The following QSOX1 variants were observed in gnomAD, a reference collection of about 807,000 sequenced individuals.
The protein encoded by QSOX1 is quiescin sulfhydryl oxidase 1, also known as sulfhydryl oxidase 1.
Under a neutral mutation model 76.1 loss-of-function variants are expected in QSOX1, and 40 were observed. That is an observed-to-expected ratio of 0.53 (90% CI 0.41 to 0.68). QSOX1 has a LOEUF of 0.68. QSOX1 is among the 30% of genes least tolerant of loss of function. The pLI, the probability that QSOX1 is intolerant of heterozygous loss-of-function variation, is 0.00. For missense variants in QSOX1, 931 were observed against 974.3 expected (o/e 0.96, Z 0.59); for synonymous variants, 392 against 413.1 (o/e 0.95, Z 0.62).
At chr1:180,190,626 T>G in intron 10 of QSOX1, 46 bp downstream of exon 10, 1 of 1,560,938 alleles carries the variant, frequency 6.4e-7, no homozygotes, top group Non-Finnish European at 8.7e-7. Flanking sequence ...AACCCTGCTC[T>G]GTTCGGCCCT....
chr1:180,189,432 C>CT, intron 8 of QSOX1, 120 bp from the exon 9 acceptor site: 1 of 286,706 alleles, frequency 3.5e-6, no homozygotes, highest in South Asian at 3.1e-5. Context: ...ACAACCTCCT[C>CT]CCCACTGCCC....
chr1:180,154,870 T>A lies in QSOX1; in HGVS notation c.-38T>A. The A allele has an allele frequency of 1.5e-6, 2 of 1,353,110 alleles. No homozygotes were observed. Among genetic ancestry groups the A allele is most frequent in the African/African-American group, 1.5e-5 (1 of 65,160 alleles). 83.8% of individuals were successfully genotyped at this position (1,353,110 alleles called of 1,614,324 possible). On this transcript the variant is annotated 5_prime_UTR_variant, in exon 1 of 12. Transcript: ENST00000367602. ...TGCCGCGGCGCCGGGACCCGACTCA[T>A]CCGGTGCTTGCGTGTGGTGGTGAGC...
In QSOX1 at chr1:180,202,190, C is replaced by T. The variant is rs145100127; in HGVS notation, c.*5153C>T. 1 of 152,448 alleles carries T rather than the reference C, an allele frequency of 6.6e-6. No individual in the cohort carries two copies. The highest frequency in any genetic ancestry group is 2.4e-5 in the African/African-American group (1 of 41,574). The allele number at this position is 152,448 out of a possible 1,614,324, so 9.4% of individuals were successfully genotyped here. A position where few individuals can be genotyped will look rare whatever the true frequency, so the allele number is the denominator to read the frequency against. ...TGACCTTACTTAGGTGAGGAGGACTCAGGGAACATCTACAGACTCTAGGGC... is the reference window on the plus strand; with the variant it reads ...TGACCTTACTTAGGTGAGGAGGACTTAGGGAACATCTACAGACTCTAGGGC... On this transcript the variant is annotated 3_prime_UTR_variant, in exon 12 of 12. Transcript: ENST00000367602.
At chr1:180,164,189 G>A (rs1343970316) in intron 1 of QSOX1, among the ~76,000 whole-genome samples, 2 of 152,208 alleles carry the variant, frequency 1.3e-5, no homozygotes. Flanking sequence ...CTGCCTTGCA[G>A]GTGAGGTTTA....
At chr1:180,155,221 C>T (rs1662348208) in intron 1 of QSOX1, 49 bp downstream of exon 1, 1 of 1,411,598 alleles carries the variant, frequency 7.1e-7, no homozygotes, top group Admixed American at 3.0e-5. Flanking sequence ...GCCCGGACCC[C>T]TCCACCTGCC....
chr1:180,182,266 C>T lies in QSOX1; in HGVS notation c.699C>T (p.Asp233=). The T allele has an allele frequency of 6.2e-7, 1 of 1,614,216 alleles. No homozygotes were observed. The highest frequency in any genetic ancestry group is 8.5e-7 in the Non-Finnish European group (1 of 1,180,028). The change falls in exon 6 of 12, where the codon GAC becomes GAT. Residue 233 remains aspartate, a synonymous_variant. Coordinates refer to ENST00000367602, the MANE Select transcript of QSOX1 (RefSeq NM_002826.5). ...ANVVRKFGVT[D]FPSCYLLFRN... Reference sequence around the variant, plus strand: ...TGGTGAGAAAGTTTGGTGTCACCGACTTCCCCTCTTGCTACCTGCTGTTCC... The same window carrying T: ...TGGTGAGAAAGTTTGGTGTCACCGATTTCCCCTCTTGCTACCTGCTGTTCC...
intron 2 of QSOX1, among the ~76,000 whole-genome samples, chr1:180,173,942 G>A (rs1572043843): frequency 6.6e-6 from 1 of 152,218 alleles, no homozygotes; most frequent in African/African-American, 2.4e-5. Flanking sequence ...GTTGCCCAAG[G>A]TCACACAGCA....
chr1:180,192,293 C>T (rs949587151), intron 10 of QSOX1, among the ~76,000 whole-genome samples: 8 of 152,096 alleles, frequency 5.3e-5, no homozygotes, highest in South Asian at 2.1e-4. Context: ...CGGAGGTGAG[C>T]GCTCATGGGC....
intron 9 of QSOX1, 35 bp from the exon 10 acceptor site, chr1:180,190,398 C>T: frequency 6.3e-7 from 1 of 1,595,262 alleles, no homozygotes; most frequent in Non-Finnish European, 8.6e-7. Flanking sequence ...CCTTTTCCTT[C>T]TCCATATGTG....
At chr1:180,170,818 T>C (rs1367771747) in intron 2 of QSOX1, among the ~76,000 whole-genome samples, 1 of 152,232 alleles carries the variant, frequency 6.6e-6, no homozygotes, top group East Asian at 1.9e-4. Context: ...AGATTCTCTG[T>C]TCAGCTGAAC....
Position 180,183,910 on chromosome 1 carries a change from T to C in QSOX1, c.753-6T>C. 2 of 1,612,594 alleles carry C rather than the reference T, an allele frequency of 1.2e-6. No individual in the cohort carries two copies. The highest frequency in any genetic ancestry group is 1.7e-6 in the Non-Finnish European group (2 of 1,178,852). Reference sequence around the variant, plus strand: ...GCCTCTCCTCCCTGGTTCTGTGCCCTCACAGGCTCATGGAATCCAGGTCCT... The same window carrying C: ...GCCTCTCCTCCCTGGTTCTGTGCCCCCACAGGCTCATGGAATCCAGGTCCT... On this transcript the variant is annotated splice_region_variant and splice_polypyrimidine_tract_variant and intron_variant, in intron 6 of 11. Transcript: ENST00000367602.
At chr1:180,171,187 A>G (rs1572042518) in intron 2 of QSOX1, among the ~76,000 whole-genome samples, 1 of 152,218 alleles carries the variant, frequency 6.6e-6, no homozygotes, top group African/African-American at 2.4e-5. Flanking sequence ...GAGAGCATGA[A>G]AGGTGGGGAC....
At chr1:180,183,249 C>T (rs575594670) in intron 6 of QSOX1, among the ~76,000 whole-genome samples, 108 of 152,174 alleles carry the variant, frequency 7.1e-4, no homozygotes, top group African/African-American at 2.5e-3. Flanking sequence ...CCGGGGCAGC[C>T]CTCACGCTGC....
Position 180,185,567 on chromosome 1 carries a change from C to T in QSOX1, c.888-486C>T, listed in dbSNP as rs551569962. Among the ~76,000 whole-genome samples, 14 of 152,320 alleles carry T rather than the reference C, an allele frequency of 9.2e-5. No homozygotes were observed. In the South Asian group the frequency reaches 1.7e-3, roughly 18 times the overall value. ...CCCTGCTTCCCCTCCTGCCCCCAGT[C>T]GCCATTTCCCAGACTTGGTGGGCAG... On this transcript the variant is annotated intron_variant, in intron 7 of 11. Coordinates refer to ENST00000367602, the MANE Select transcript of QSOX1 (RefSeq NM_002826.5).
At chr1:180,168,238 C>T (rs1366730686) in intron 2 of QSOX1, among the ~76,000 whole-genome samples, 1 of 152,260 alleles carries the variant, frequency 6.6e-6, no homozygotes, top group African/African-American at 2.4e-5. Flanking sequence ...GGTGAGTCAC[C>T]ATCTCCTGAA....
chr1:180,193,016 G>A (rs1371525330), intron 10 of QSOX1, among the ~76,000 whole-genome samples: 7 of 152,096 alleles, frequency 4.6e-5, no homozygotes, highest in Non-Finnish European at 8.8e-5. Context: ...GCAAGATGAG[G>A]ACATCTCTAG....
At chr1:180,194,450 T>C in intron 11 of QSOX1, 58 bp downstream of exon 11, 1 of 1,486,512 alleles carries the variant, frequency 6.7e-7, no homozygotes, top group East Asian at 2.4e-5. Flanking sequence ...GGGGTGAGGA[T>C]ACTTGGGAGT....
intron 1 of QSOX1, among the ~76,000 whole-genome samples, 153 bp downstream of exon 1, chr1:180,155,325 TG>T (rs1662352639): frequency 6.6e-6 from 1 of 151,980 alleles, no homozygotes; most frequent in South Asian, 2.1e-4. Context: ...ACCACCTTCA[TG>T]TTTCTCAGCT....
At chr1:180,178,909 A>C (rs753583807) in intron 5 of QSOX1, 25 bp downstream of exon 5, 20 of 1,592,334 alleles carry the variant, frequency 1.3e-5, no homozygotes, top group Middle Eastern at 1.7e-4. Flanking sequence ...AGTTCCCTGC[A>C]ATTCTTGGAT....
Sources: allele counts gnomAD v4.1 joint callset (sites outside exome capture counted in the v4.1 genomes callset), GRCh38; gene constraint gnomAD v4.1.1; transcripts MANE v1.5; gene names NCBI Gene and HGNC (gene_info 2026-07-23, HGNC 2026-07-21).